The following ARHGEF3 variants were observed in gnomAD, a reference collection of about 807,000 sequenced individuals.
ARHGEF3 encodes 59.8 kDA protein.
In ARHGEF3, 28 loss-of-function variants were observed where a neutral mutation model predicts 63.2. That is an observed-to-expected ratio of 0.44 (90% CI 0.33 to 0.61). ARHGEF3 has a LOEUF of 0.61. Among genes scored for constraint, ARHGEF3 ranks in the 20% least tolerant of loss-of-function variants. The probability of loss-of-function intolerance (pLI) is 0.03; values close to 1 mark genes in which losing one functional copy is unlikely to be tolerated. For synonymous variants in ARHGEF3, 266 were observed against 254.2 expected (o/e 1.05, Z -0.44); for missense variants, 533 against 659.3 (o/e 0.81, Z 2.10).
chr3:56,968,186 AT>A (rs1700706203), intron 2 of ARHGEF3, among the ~76,000 whole-genome samples: 1 of 16,180 alleles, frequency 6.2e-5, no homozygotes, highest in Non-Finnish European at 1.5e-4. Flanking sequence ...ATAAAAATAT[AT>A]ATTATATATA....
intron 2 of ARHGEF3, among the ~76,000 whole-genome samples, chr3:56,996,652 CTGT>C (rs1376563441): frequency 1.3e-5 from 2 of 152,152 alleles, no homozygotes; most frequent in Non-Finnish European, 2.9e-5. Context: ...CAATAAATTT[CTGT>C]TGTTTATAAG....
At chr3:56,993,506 C>G (rs1477681259) in intron 2 of ARHGEF3, among the ~76,000 whole-genome samples, 1 of 152,038 alleles carries the variant, frequency 6.6e-6, no homozygotes, top group Non-Finnish European at 1.5e-5. Context: ...TCTCAAGTAG[C>G]TGGGACTACA....
chr3:56,901,865 C>T (rs1031143961), intron 3 of ARHGEF3, among the ~76,000 whole-genome samples: 7 of 152,058 alleles, frequency 4.6e-5, no homozygotes, highest in Non-Finnish European at 8.8e-5. Context: ...TTAACGACAC[C>T]TTATTTAATA....
chr3:56,751,502 GCT>G, intron 4 of ARHGEF3, 106 bp from the exon 5 acceptor site: 1 of 900,822 alleles, frequency 1.1e-6, no homozygotes, highest in South Asian at 1.5e-5. Flanking sequence ...AAAACTTCTG[GCT>G]CTCTAACAAC....
At chr3:56,959,709 G>A (rs1700196350) in intron 2 of ARHGEF3, among the ~76,000 whole-genome samples, 1 of 152,162 alleles carries the variant, frequency 6.6e-6, no homozygotes, top group South Asian at 2.1e-4. Flanking sequence ...CAGGTGCGGT[G>A]GCTCACGTCT....
intron 2 of ARHGEF3, among the ~76,000 whole-genome samples, chr3:56,758,015 C>G (rs1354383215): frequency 6.6e-6 from 1 of 151,392 alleles, no homozygotes. Context: ...TGGTGGCTCA[C>G]GCCTGTAATC....
At chr3:56,947,704 C>T (rs1378708556) in intron 3 of ARHGEF3, among the ~76,000 whole-genome samples, 1 of 152,146 alleles carries the variant, frequency 6.6e-6, no homozygotes, top group Non-Finnish European at 1.5e-5. Context: ...CCACTGTCAA[C>T]ATCAGACAGA....
At chr3:56,878,710 A>G (rs1236037487) in intron 4 of ARHGEF3, among the ~76,000 whole-genome samples, 2 of 152,212 alleles carry the variant, frequency 1.3e-5, no homozygotes, top group African/African-American at 4.8e-5. Flanking sequence ...GAGTTAAGTG[A>G]TGCATCCCCC....
intron 8 of ARHGEF3, among the ~76,000 whole-genome samples, chr3:56,732,743 G>T (rs2033265546): frequency 6.6e-6 from 1 of 151,980 alleles, no homozygotes; most frequent in Non-Finnish European, 1.5e-5. Context: ...AGACATACCT[G>T]CCCCAGCTCC....
chr3:56,818,799 T>C (rs1359470237), intron 4 of ARHGEF3, among the ~76,000 whole-genome samples: 1 of 152,196 alleles, frequency 6.6e-6, no homozygotes, highest in Non-Finnish European at 1.5e-5. Flanking sequence ...CTTGTTTTCA[T>C]TTGTATCTTT....
intron 1 of ARHGEF3, among the ~76,000 whole-genome samples, chr3:57,078,225 G>C (rs569702826): frequency 1.3e-5 from 2 of 152,198 alleles, no homozygotes; most frequent in African/African-American, 2.4e-5. Context: ...ACCTAGCAAA[G>C]CTCCCCTTCT....
intron 4 of ARHGEF3, among the ~76,000 whole-genome samples, chr3:56,882,023 A>G (rs557938856): frequency 6.6e-6 from 1 of 152,330 alleles, no homozygotes; most frequent in Admixed American, 6.5e-5. Context: ...ATTTATCTAG[A>G]TTCTACCCAG....
At chr3:56,967,959 A>ATATATT (rs1700662979) in intron 2 of ARHGEF3, among the ~76,000 whole-genome samples, 1 of 67,100 alleles carries the variant, frequency 1.5e-5, no homozygotes, top group Non-Finnish European at 2.6e-5. Flanking sequence ...TTATATATAT[A>ATATATT]AAATATATTT....
chr3:56,969,182 A>T (rs983290488), intron 2 of ARHGEF3, among the ~76,000 whole-genome samples: 1 of 152,198 alleles, frequency 6.6e-6, no homozygotes, highest in Non-Finnish European at 1.5e-5. Flanking sequence ...TCTTCCCCTA[A>T]ATAGGTAATA....
chr3:56,845,116 C>T (rs925450511), intron 4 of ARHGEF3, among the ~76,000 whole-genome samples: 1 of 149,418 alleles, frequency 6.7e-6, no homozygotes, highest in Non-Finnish European at 1.5e-5. Flanking sequence ...AGCCCTCAGT[C>T]CTTCAACCAC....
At chr3:56,800,937 T>C (rs965456785) in intron 1 of ARHGEF3, among the ~76,000 whole-genome samples, 2 of 152,232 alleles carry the variant, frequency 1.3e-5, no homozygotes, top group Non-Finnish European at 2.9e-5. Flanking sequence ...CAGTGAGCTA[T>C]GTGCCAGAGA....
rs1451708229 is a variant in ARHGEF3, at chr3:56,921,624, C to T, written c.129+37199G>A. Among the ~76,000 whole-genome samples the T allele has an allele frequency of 2.6e-5, 4 of 152,194 alleles. No individual in the cohort carries two copies. The South Asian group carries it at 6.2e-4, about 24-fold the overall frequency. On this transcript the variant is annotated intron_variant, in intron 3 of 12. Transcript: ENST00000338458. ...CTGAACAATTCCTCTGCCTGCTTCA[C>T]CATGAACTCTAGACAAATGGAGCAG...
At chr3:56,874,951 A>G (rs1027956589) in intron 4 of ARHGEF3, among the ~76,000 whole-genome samples, 1 of 152,166 alleles carries the variant, frequency 6.6e-6, no homozygotes, top group Non-Finnish European at 1.5e-5. Flanking sequence ...AGGTATTTGG[A>G]AAGCACAGAG....
chr3:56,737,715 T>C (rs1439603673), intron 7 of ARHGEF3, among the ~76,000 whole-genome samples: 1 of 152,070 alleles, frequency 6.6e-6, no homozygotes, highest in African/African-American at 2.4e-5. Context: ...TATAAAAAAA[T>C]TAGCTAAGGA....
Sources: gnomAD v4.1 joint callset for allele counts (sites outside exome capture counted in the v4.1 genomes callset) on GRCh38, gnomAD v4.1.1 for gene constraint, MANE v1.5 for transcripts, NCBI Gene and HGNC (gene_info 2026-07-23, HGNC 2026-07-21) for gene names.